Variants in C1orf87 observed in about 807,000 individuals in gnomAD.
C1orf87 encodes the protein uncharacterized protein C1orf87.
A neutral mutation model predicts 60.5 loss-of-function variants in C1orf87; 58 were observed. The observed-to-expected ratio is 0.96, with a 90% CI of 0.78 to 1.19. The LOEUF (loss-of-function observed/expected upper bound fraction) is 1.19. C1orf87 is among the 50% of genes most tolerant of loss of function. C1orf87 has a pLI of 0.00. For missense variants in C1orf87, 673 were observed against 638.6 expected (o/e 1.05, Z -0.58); for synonymous variants, 236 against 227.4 (o/e 1.04, Z -0.34).
At chr1:60,056,718 T>G (rs1483185479) in intron 2 of C1orf87, among the ~76,000 whole-genome samples, 1 of 152,244 alleles carries the variant, frequency 6.6e-6, no homozygotes, top group Non-Finnish European at 1.5e-5. Context: ...CATGTCAGAT[T>G]ATACTTCATA....
intron 3 of C1orf87, among the ~76,000 whole-genome samples, chr1:60,046,044 AT>A (rs1004342990): frequency 3.9e-5 from 6 of 152,082 alleles, no homozygotes; most frequent in African/African-American, 9.7e-5. Flanking sequence ...CAATAGGTTA[AT>A]ATCTCTTACA....
At chr1:60,020,097 G>A (rs1436631647) in intron 8 of C1orf87, among the ~76,000 whole-genome samples, 1 of 152,176 alleles carries the variant, frequency 6.6e-6, no homozygotes, top group East Asian at 1.9e-4. Context: ...ATGTCTCTAG[G>A]TCATTTCAGA....
intron 11 of C1orf87, among the ~76,000 whole-genome samples, chr1:59,993,184 G>T (rs1644937085): frequency 6.6e-6 from 1 of 152,096 alleles, no homozygotes; most frequent in Non-Finnish European, 1.5e-5. Flanking sequence ...TCATGCCATT[G>T]CATTCTAGCC....
At chr1:60,011,788 A>G (rs1186262829) in intron 8 of C1orf87, among the ~76,000 whole-genome samples, 1 of 152,140 alleles carries the variant, frequency 6.6e-6, no homozygotes, top group Non-Finnish European at 1.5e-5. Context: ...TACTTCATGA[A>G]GGCTTTCCTA....
At chr1:59,992,224 CTATTTATTTATTTATTTATTTATT>C (rs71582609) in intron 11 of C1orf87, among the ~76,000 whole-genome samples, 1 of 143,550 alleles carries the variant, frequency 7.0e-6, no homozygotes, top group East Asian at 2.1e-4. Context: ...AAGTAGGGGT[CTATTTATTTATTTATTTATTTATT>C]TATTTATTTA....
At chr1:60,031,204 G>A (rs1305061864) in intron 7 of C1orf87, among the ~76,000 whole-genome samples, 1 of 152,112 alleles carries the variant, frequency 6.6e-6, no homozygotes, top group Non-Finnish European at 1.5e-5. Flanking sequence ...AGGGAGTTGA[G>A]GTGTGATAGT....
At chr1:60,042,344 C>T (rs1645331531) in intron 3 of C1orf87, among the ~76,000 whole-genome samples, 1 of 152,100 alleles carries the variant, frequency 6.6e-6, no homozygotes, top group South Asian at 2.1e-4. Flanking sequence ...AAGTGATTCT[C>T]CTGCCTCAGC....
chr1:60,038,092 G>C lies in C1orf87; in HGVS notation c.763C>G (p.Leu255Val). The change falls in exon 6 of 12, where the codon CTA becomes GTA. Residue 255 changes from leucine (L) to valine (V), a missense_variant. Physicochemically the swap from Leu to Val is conservative, Grantham distance 32. Transcript: ENST00000371201. ...GSPEMVNYEK[L>V]LWFLNSAASD... ...GCTGCACTGTTTAAAAACCAGAGTA[G>C]CTTTTCATAATTCACCTGAAAATTA... The C allele has an allele frequency of 4.5e-6, 7 of 1,550,040 alleles. No individual in the cohort carries two copies. The highest frequency in any genetic ancestry group is 6.2e-6 in the Non-Finnish European group (7 of 1,133,906).
intron 6 of C1orf87, among the ~76,000 whole-genome samples, chr1:60,036,958 A>G (rs1645281822): frequency 6.6e-6 from 1 of 152,174 alleles, no homozygotes; most frequent in Admixed American, 6.5e-5. Context: ...ACCCGTACAC[A>G]ATCATTTCTT....
At chr1:60,070,081 T>G (rs949001987) in intron 2 of C1orf87, among the ~76,000 whole-genome samples, 2 of 152,286 alleles carry the variant, frequency 1.3e-5, no homozygotes, top group South Asian at 4.1e-4. Context: ...TATGGACAAT[T>G]TGACTTCAGA....
At chr1:59,997,979 T>C (rs1156236808) in intron 10 of C1orf87, among the ~76,000 whole-genome samples, 163 bp from the exon 11 acceptor site, 1 of 152,178 alleles carries the variant, frequency 6.6e-6, no homozygotes, top group East Asian at 1.9e-4. Context: ...AGATCATATC[T>C]GCCAAATCTT....
rs147601943 is a variant in C1orf87, at chr1:60,049,323, G to A, written c.342+5881C>T. 9.5e-4 allele frequency among the ~76,000 whole-genome samples: 145 copies of A among 152,084 alleles called. 5 individuals carry two copies. The East Asian group carries it at 0.024, about 25-fold the overall frequency. Reference sequence around the variant, plus strand: ...TGCTAATGAGAAATTATATCTCAGGGCAGAATTAATTTACATTCTACTTAT... The same window carrying A: ...TGCTAATGAGAAATTATATCTCAGGACAGAATTAATTTACATTCTACTTAT... On this transcript the variant is annotated intron_variant, in intron 3 of 11. Coordinates refer to ENST00000371201, the MANE Select transcript of C1orf87 (RefSeq NM_152377.3).
rs555452245 is a variant in C1orf87, at chr1:60,061,292, A to G, written c.108-5854T>C. On this transcript the variant is annotated intron_variant, in intron 2 of 11. Transcript: ENST00000371201. Reference sequence around the variant, plus strand: ...GCCAAATATCATTTAATCTCTTTATACAAAGCTTCCATATACACACATGAG... The same window carrying G: ...GCCAAATATCATTTAATCTCTTTATGCAAAGCTTCCATATACACACATGAG... Among the ~76,000 whole-genome samples, 6 of 152,288 alleles carry G rather than the reference A, an allele frequency of 3.9e-5. No homozygotes were observed. The South Asian group carries it at 1.2e-3, about 32-fold the overall frequency.
chr1:60,000,993 GGA>G, intron 10 of C1orf87, 82 bp downstream of exon 10: 2 of 1,132,980 alleles, frequency 1.8e-6, no homozygotes, highest in Non-Finnish European at 2.6e-6. Context: ...AAAACCCACA[GGA>G]GAGAGCCCCA....
intron 2 of C1orf87, among the ~76,000 whole-genome samples, chr1:60,067,096 G>T (rs1472398778): frequency 1.3e-5 from 2 of 152,070 alleles, no homozygotes; most frequent in African/African-American, 4.8e-5. Context: ...CATTTGAGTT[G>T]GTTCCAAGTC....
At chr1:60,043,630 C>T (rs766764581) in intron 3 of C1orf87, among the ~76,000 whole-genome samples, 8 of 152,108 alleles carry the variant, frequency 5.3e-5, no homozygotes, top group South Asian at 4.2e-4. Flanking sequence ...CTGATCCTCC[C>T]GCCTTGGCCT....
chr1:59,993,190 T>C (rs1215469844), intron 11 of C1orf87, among the ~76,000 whole-genome samples: 2 of 152,092 alleles, frequency 1.3e-5, no homozygotes, highest in African/African-American at 4.8e-5. Flanking sequence ...CATTGCATTC[T>C]AGCCCAGGCA....
At chr1:60,002,079 C>T (rs910642812) in intron 9 of C1orf87, among the ~76,000 whole-genome samples, 1 of 152,076 alleles carries the variant, frequency 6.6e-6, no homozygotes, top group Non-Finnish European at 1.5e-5. Context: ...GGAGCCTCAG[C>T]TTTATTAATC....
chr1:60,053,687 C>A (rs756461424), intron 3 of C1orf87, among the ~76,000 whole-genome samples: 19 of 151,984 alleles, frequency 1.3e-4, no homozygotes, highest in Non-Finnish European at 2.6e-4. Flanking sequence ...AAAAGAAAAC[C>A]ACTAGTTTTC....
Sources: allele counts gnomAD v4.1 joint callset (sites outside exome capture counted in the v4.1 genomes callset), GRCh38; gene constraint gnomAD v4.1.1; transcripts MANE v1.5; gene names NCBI Gene and HGNC (gene_info 2026-07-23, HGNC 2026-07-21).